The following DACH2 variants were observed in gnomAD, a reference collection of about 807,000 sequenced individuals.
DACH2 encodes the protein dachshund homolog 2.
A neutral mutation model predicts 35.8 loss-of-function variants in DACH2; 17 were observed. The ratio of observed to expected loss-of-function variants is 0.48; its 90% confidence interval spans 0.33 to 0.71. The LOEUF is 0.71. Among genes scored for constraint, DACH2 ranks in the 30% least tolerant of loss-of-function variants. The pLI is 0.02. For synonymous variants in DACH2, 195 were observed against 177.3 expected, an observed-to-expected ratio of 1.10 and a Z score of -0.79; for missense variants, 469 against 472.7, an observed-to-expected ratio of 0.99 and a Z score of 0.07.
At chrX:86,193,743 A>T (rs1377751569) in intron 1 of DACH2, among the ~76,000 whole-genome samples, 3 of 111,000 alleles carry the variant, frequency 2.7e-5, no homozygotes, top group African/African-American at 9.8e-5. Context: ...TTAAAAGAAC[A>T]GTAATTGCCC....
At chrX:86,806,592 T>G (rs2147343437) in intron 7 of DACH2, among the ~76,000 whole-genome samples, 1 of 112,409 alleles carries the variant, frequency 8.9e-6, no homozygotes, top group African/African-American at 3.2e-5. Context: ...CCTTATAAAC[T>G]TAGCCTGAAG....
chrX:86,401,873 G>C (rs1262441049), intron 2 of DACH2, among the ~76,000 whole-genome samples: 1 of 111,534 alleles, frequency 9.0e-6, no homozygotes, highest in African/African-American at 3.3e-5. Context: ...ATGCAATGTT[G>C]GTTCAACATA....
intron 1 of DACH2, among the ~76,000 whole-genome samples, chrX:86,205,231 C>A (rs2147906808): frequency 9.0e-6 from 1 of 111,521 alleles, no homozygotes; most frequent in South Asian, 3.8e-4. Flanking sequence ...GGCTATATAA[C>A]TGGAAAGAGT....
At chrX:86,670,659 A>G (rs1377704192) in intron 4 of DACH2, among the ~76,000 whole-genome samples, 1 of 111,406 alleles carries the variant, frequency 9.0e-6, no homozygotes, top group Non-Finnish European at 1.9e-5. Flanking sequence ...AGCTTTTAAC[A>G]GTAAACTAAT....
chrX:86,254,914 T>C (rs1471310553), intron 1 of DACH2, among the ~76,000 whole-genome samples: 1 of 105,468 alleles, frequency 9.5e-6, no homozygotes, highest in South Asian at 4.2e-4. Flanking sequence ...AGAAGTTTTC[T>C]GAGATAAAGT....
At chrX:86,317,266 T>C (rs2034931092) in intron 1 of DACH2, among the ~76,000 whole-genome samples, 1 of 111,768 alleles carries the variant, frequency 8.9e-6, no homozygotes, top group Admixed American at 9.5e-5. Flanking sequence ...TAAGTGGGTG[T>C]ATGGGGCTTG....
At chrX:86,182,260 C>T (rs1335413823) in intron 1 of DACH2, among the ~76,000 whole-genome samples, 1 of 111,815 alleles carries the variant, frequency 8.9e-6, no homozygotes, top group Non-Finnish European at 1.9e-5. Context: ...AGTCTTTGCC[C>T]ATGCCTATGT....
intron 2 of DACH2, among the ~76,000 whole-genome samples, chrX:86,436,383 T>TAG (rs57802116): frequency 8.2e-5 from 8 of 97,867 alleles, no homozygotes; most frequent in Admixed American, 1.1e-4. Context: ...TATATATATA[T>TAG]AGAGAGAGAG....
chrX:86,742,474 T>G (rs1331639728), intron 7 of DACH2, among the ~76,000 whole-genome samples: 1 of 111,366 alleles, frequency 9.0e-6, no homozygotes, highest in Non-Finnish European at 1.9e-5. Context: ...ATTTTTTCAT[T>G]ATATGATCTT....
At chrX:86,705,617 A>G (rs1207412451) in intron 5 of DACH2, among the ~76,000 whole-genome samples, 3 of 111,563 alleles carry the variant, frequency 2.7e-5, no homozygotes, top group African/African-American at 9.8e-5. Flanking sequence ...GTGTAATGAA[A>G]GAGGAATGCT....
intron 1 of DACH2, among the ~76,000 whole-genome samples, chrX:86,297,332 G>A (rs780470145): frequency 2.7e-5 from 3 of 110,863 alleles, no homozygotes; most frequent in Non-Finnish European, 5.7e-5. Flanking sequence ...CAGTGATAGC[G>A]AGTACTTTTC....
intron 1 of DACH2, among the ~76,000 whole-genome samples, chrX:86,157,050 G>GT (rs1422041310): frequency 9.0e-6 from 1 of 110,674 alleles, no homozygotes; most frequent in Non-Finnish European, 1.9e-5. Flanking sequence ...GAAACTACTC[G>GT]TATCTGTGTA....
rs748612606 is a variant in DACH2 at position 86,628,139 on chromosome X, C to G, written c.641-22897C>G. Among the ~76,000 whole-genome samples, 4 of 112,383 alleles carry G rather than the reference C, an allele frequency of 3.6e-5. No individual in the cohort carries two copies. The South Asian group carries it at 1.5e-3, about 42-fold the overall frequency. Reference sequence around the variant, plus strand: ...TTTCCTGGGCATCACCATGGACTCACTACTGTGTCAGGCAACAGGGAATAC... The same window carrying G: ...TTTCCTGGGCATCACCATGGACTCAGTACTGTGTCAGGCAACAGGGAATAC... On this transcript the variant is annotated intron_variant, in intron 3 of 11. Transcript: ENST00000373125.
At chrX:86,362,421 G>GGA (rs1323576260) in intron 1 of DACH2, among the ~76,000 whole-genome samples, 2 of 111,523 alleles carry the variant, frequency 1.8e-5, no homozygotes, top group Non-Finnish European at 3.8e-5. Flanking sequence ...CTAAAATGTA[G>GGA]AGGTGATTAG....
chrX:86,579,549 C>T (rs1362420716), intron 3 of DACH2, among the ~76,000 whole-genome samples: 2 of 111,327 alleles, frequency 1.8e-5, no homozygotes, highest in Non-Finnish European at 3.8e-5. Context: ...GAACTACCTA[C>T]CAATCAGTGC....
chrX:86,716,089 G>A (rs981936096), intron 6 of DACH2, among the ~76,000 whole-genome samples: 1 of 111,458 alleles, frequency 9.0e-6, no homozygotes, highest in South Asian at 3.8e-4. Flanking sequence ...GTGGAAGCAT[G>A]CTTCCTGGAA....
rs2042621129 is a variant in DACH2 at position 86,832,332 on chromosome X, G to A, written c.*177G>A. 4.8e-6 allele frequency: 2 copies of A among 419,388 alleles called. No homozygotes were observed. Among genetic ancestry groups the A allele is most frequent in the Admixed American group, 9.5e-5 (2 of 21,092 alleles). The allele number at this position is 419,388 out of a possible 1,213,427, so 34.6% of individuals were successfully genotyped here. A position where few individuals can be genotyped will look rare whatever the true frequency, so the allele number is the denominator to read the frequency against. On this transcript the variant is annotated 3_prime_UTR_variant, in exon 12 of 12. Transcript: ENST00000373125. The stretch of plus-strand genomic sequence containing the variant: ...GCGTGTACATTTTAAAAGCAATGAT[G>A]TAAACTTTGTTCTTGCATTAGACTG...
In DACH2 at chrX:86,311,565, G is replaced by A. The variant is rs182648926; in HGVS notation, c.489-65259G>A. On this transcript the variant is annotated intron_variant, in intron 1 of 11. Transcript: ENST00000373125. ...AGGATTCATGGGTCCAGGAATCAAGGGGTGGAAGTGGAAGTGGCACCACTC... is the reference window on the plus strand; with the variant it reads ...AGGATTCATGGGTCCAGGAATCAAGAGGTGGAAGTGGAAGTGGCACCACTC... Among the ~76,000 whole-genome samples, 710 of 111,036 alleles carry A rather than the reference G, an allele frequency of 6.4e-3. 5 individuals are homozygous for A. The highest frequency in any genetic ancestry group is 0.022 in the African/African-American group (675 of 30,459).
intron 1 of DACH2, among the ~76,000 whole-genome samples, chrX:86,183,678 T>C (rs1179128989): frequency 6.3e-5 from 7 of 111,909 alleles, no homozygotes; most frequent in Non-Finnish European, 1.9e-5. Context: ...ATCAGGATGA[T>C]GCTGGCCTCA....
Sources: gnomAD v4.1 joint callset for allele counts (sites outside exome capture counted in the v4.1 genomes callset) on GRCh38, gnomAD v4.1.1 for gene constraint, MANE v1.5 for transcripts, NCBI Gene and HGNC (gene_info 2026-07-23, HGNC 2026-07-21) for gene names.